The following SLC38A7 variants were observed in gnomAD, a reference collection of about 807,000 sequenced individuals.
The protein encoded by SLC38A7 is sodium-coupled neutral amino acid transporter 7.
A neutral mutation model predicts 50.1 loss-of-function variants in SLC38A7; 29 were observed. The observed-to-expected ratio is 0.58, with a 90% CI of 0.43 to 0.79. The LOEUF (loss-of-function observed/expected upper bound fraction) is 0.79, where lower values mean the gene tolerates loss of function less well. Ranked by LOEUF, SLC38A7 falls within the 30% of genes least tolerant of loss-of-function variation. The probability of loss-of-function intolerance (pLI) is 0.00; values close to 1 mark genes in which losing one functional copy is unlikely to be tolerated. For synonymous variants in SLC38A7, 244 were observed against 245.9 expected (o/e 0.99, Z 0.07); for missense variants, 483 against 610.6 (o/e 0.79, Z 2.20).
At position 58,675,922 on chromosome 16, in the gene SLC38A7, G is replaced by C. The variant is rs769644624; in HGVS notation, c.883+18C>G. 24 of 926,820 alleles carry C rather than the reference G, an allele frequency of 2.6e-5. No individual in the cohort carries two copies. The highest frequency in any genetic ancestry group is 2.2e-4 in the South Asian group (11 of 50,692). 57.4% of individuals were successfully genotyped at this position (926,820 alleles called of 1,614,324 possible). ...GAGAGCACTCTAGTCCCAGGTCTTG[G>C]GGGGGGGGAGCACTCACCTGTCCCC... On this transcript the variant is annotated intron_variant, in intron 8 of 11. Coordinates refer to ENST00000219320, the MANE Select transcript of SLC38A7 (RefSeq NM_018231.3).
At chr16:58,680,284 G>A (rs2044362627) in intron 2 of SLC38A7, 43 bp from the exon 3 acceptor site, 1 of 760,868 alleles carries the variant, frequency 1.3e-6, no homozygotes, top group Non-Finnish European at 1.9e-6. Flanking sequence ...CCTAAGATGG[G>A]GGAACTAGGG....
rs2044306945 is a variant in SLC38A7 at position 58,678,078 on chromosome 16, C to T, written c.611+255G>A. On this transcript the variant is annotated intron_variant, in intron 5 of 11. Coordinates refer to ENST00000219320, the MANE Select transcript of SLC38A7 (RefSeq NM_018231.3). The surrounding 1 kb of genome is among the most constrained non-coding windows in gnomAD (Gnocchi z 4.0). ...CCACCTGTTCCTTCTTTGACAAGGGCACTTAGAACTGAACTACTCATGGAT... is the reference window on the plus strand; with the variant it reads ...CCACCTGTTCCTTCTTTGACAAGGGTACTTAGAACTGAACTACTCATGGAT... Among the ~76,000 whole-genome samples the T allele has an allele frequency of 6.6e-6, 1 of 152,168 alleles. No homozygotes were observed. The highest frequency in any genetic ancestry group is 6.5e-5 in the Admixed American group (1 of 15,268).
intron 8 of SLC38A7, chr16:58,675,398 C>G: frequency 2.5e-6 from 1 of 399,126 alleles, no homozygotes. Flanking sequence ...GGCTGTAGTC[C>G]CAGCTACTCT....
chr16:58,681,712 T>C (rs11640977), intron 2 of SLC38A7: 22,977 of 152,138 alleles, frequency 0.15, 1,991 homozygotes, highest in African/African-American at 0.24. Context: ...TATGTTCCTG[T>C]GGGTCGTGTG....
At chr16:58,671,376 T>C (rs774825284) in intron 9 of SLC38A7, 132 bp from the exon 10 acceptor site, 16 of 843,426 alleles carry the variant, frequency 1.9e-5, no homozygotes, top group Admixed American at 5.2e-5. Flanking sequence ...TTTCCTCTTC[T>C]GTAAAATGGG....
intron 9 of SLC38A7, chr16:58,671,604 C>T (rs1309554963): frequency 6.3e-6 from 2 of 317,578 alleles, no homozygotes; most frequent in Non-Finnish European, 5.9e-6. Context: ...CTCTCTCACC[C>T]AGGCTGGAGT....
intron 5 of SLC38A7, among the ~76,000 whole-genome samples, chr16:58,677,809 T>C (rs2044301798): frequency 6.6e-6 from 1 of 151,232 alleles, no homozygotes; most frequent in African/African-American, 2.4e-5. Context: ...ATGCCAGAGG[T>C]AAGAGGGTTG....
At chr16:58,677,277 G>A (rs2152080123) in intron 6 of SLC38A7, 49 bp downstream of exon 6, 2 of 1,535,772 alleles carry the variant, frequency 1.3e-6, no homozygotes, top group Admixed American at 1.7e-5. Flanking sequence ...ACCTGCTGGG[G>A]CCCAAGTGGT....
rs773699776 is a variant in SLC38A7 at position 58,678,315 on chromosome 16, AG to A, written c.611+17del. 1 of 1,533,650 alleles carries A rather than the reference AG, an allele frequency of 6.5e-7. No homozygotes were observed. Among genetic ancestry groups the A allele is most frequent in the Non-Finnish European group, 8.8e-7 (1 of 1,139,004 alleles). ...CAGGATCATAGCTTCTGTCTGACCCAGGCTGGGGCCTCCAAACCTGGCATAT... is the reference window on the plus strand; with the variant it reads ...CAGGATCATAGCTTCTGTCTGACCCAGCTGGGGCCTCCAAACCTGGCATAT... On this transcript the variant is annotated intron_variant, in intron 5 of 11. Transcript: ENST00000219320. This position sits in a 1 kb window ranked among gnomAD's most constrained non-coding sequence, Gnocchi z 4.0.
intron 2 of SLC38A7, among the ~76,000 whole-genome samples, chr16:58,683,201 A>T (rs572155251): frequency 6.6e-6 from 1 of 152,292 alleles, no homozygotes; most frequent in Admixed American, 6.5e-5. Context: ...TATAGCCCAG[A>T]GGGAAAAAAA....
chr16:58,683,574 G>A (rs7193580), intron 2 of SLC38A7: 9,887 of 152,364 alleles, frequency 0.065, 1,017 homozygotes, highest in African/African-American at 0.22. Context: ...AGTGAGCAGC[G>A]AAGGCAGAGT....
At position 58,675,938 on chromosome 16, in the gene SLC38A7, A is replaced by C; in HGVS notation, c.883+2T>G. 6.2e-7 allele frequency: 1 copy of C among 1,605,526 alleles called. No homozygotes were observed. Among genetic ancestry groups the C allele is most frequent in the African/African-American group, 1.3e-5 (1 of 74,620 alleles). On this transcript the variant is annotated splice_donor_variant, in intron 8 of 11. Coordinates refer to ENST00000219320, the MANE Select transcript of SLC38A7 (RefSeq NM_018231.3). LOFTEE classifies it high-confidence loss of function. ...CAGGTCTTGGGGGGGGGGAGCACTCACCTGTCCCCATGTAGACAGCGAGGG... is the reference window on the plus strand; with the variant it reads ...CAGGTCTTGGGGGGGGGGAGCACTCCCCTGTCCCCATGTAGACAGCGAGGG...
intron 2 of SLC38A7, among the ~76,000 whole-genome samples, 177 bp from the exon 3 acceptor site, chr16:58,680,418 G>A (rs1276817952): frequency 6.6e-6 from 1 of 152,232 alleles, no homozygotes; most frequent in South Asian, 2.1e-4. Context: ...CAGATCAGGT[G>A]CAAATCATGC....
rs183204330 is a variant in SLC38A7 at position 58,674,579 on chromosome 16, C to T, written c.883+1361G>A. Reference sequence around the variant, plus strand: ...TGTGAGCCACTGTGACTGGCCTCATCGCTTTCTAATTTTTTTTTAACTGTA... The same window carrying T: ...TGTGAGCCACTGTGACTGGCCTCATTGCTTTCTAATTTTTTTTTAACTGTA... On this transcript the variant is annotated intron_variant, in intron 8 of 11. Transcript: ENST00000219320. Among the ~76,000 whole-genome samples the T allele has an allele frequency of 4.6e-5, 7 of 152,138 alleles. No homozygotes were observed. In the East Asian group the frequency reaches 1.4e-3, roughly 29 times the overall value.
chr16:58,666,752 G>A lies in SLC38A7; in HGVS notation c.*633C>T, dbSNP rs1048090338. 6.5e-6 allele frequency: 1 copy of A among 153,188 alleles called. No homozygotes were observed. The highest frequency in any genetic ancestry group is 2.4e-5 in the African/African-American group (1 of 41,474). 9.5% of individuals were successfully genotyped at this position (153,188 alleles called of 1,614,324 possible). ...GGATGGAGGAGGAGAGGGATGCCCA[G>A]CCTGGACCATCAGGTTTGATGAAAG... is the stretch of plus-strand genomic sequence containing the variant. On this transcript the variant is annotated 3_prime_UTR_variant, in exon 12 of 12. Coordinates refer to ENST00000219320, the MANE Select transcript of SLC38A7 (RefSeq NM_018231.3).
chr16:58,672,308 T>A, intron 8 of SLC38A7, 65 bp from the exon 9 acceptor site: 1 of 1,481,486 alleles, frequency 6.7e-7, no homozygotes, highest in Non-Finnish European at 9.1e-7. Flanking sequence ...TGTCCACTCC[T>A]CCTAGGAGCA....
intron 8 of SLC38A7, among the ~76,000 whole-genome samples, chr16:58,673,384 C>T (rs1370961716): frequency 2.0e-5 from 3 of 150,920 alleles, no homozygotes; most frequent in East Asian, 2.0e-4. Context: ...TACAGGCGCC[C>T]GCCACCAAGC....
intron 6 of SLC38A7, among the ~76,000 whole-genome samples, 198 bp downstream of exon 6, chr16:58,677,128 T>C (rs2044284834): frequency 6.6e-6 from 1 of 152,184 alleles, no homozygotes; most frequent in African/African-American, 2.4e-5. Context: ...AAGTGCCTCC[T>C]GTCTCTGATT....
In SLC38A7 at chr16:58,677,317, C is replaced by T; in HGVS notation, c.710+9G>A. Reference sequence around the variant, plus strand: ...TCTTCCCCATGTCTCCTAGGGCCCTCACCCTCACCTGGTCAGGATGTTCCC... The same window carrying T: ...TCTTCCCCATGTCTCCTAGGGCCCTTACCCTCACCTGGTCAGGATGTTCCC... On this transcript the variant is annotated intron_variant, in intron 6 of 11. Transcript: ENST00000219320. 1 of 1,613,044 alleles carries T rather than the reference C, an allele frequency of 6.2e-7. No homozygotes were observed. The highest frequency in any genetic ancestry group is 1.7e-5 in the Admixed American group (1 of 60,004).
Sources: allele counts gnomAD v4.1 joint callset (sites outside exome capture counted in the v4.1 genomes callset), GRCh38; gene constraint gnomAD v4.1.1; non-coding constraint Gnocchi (gnomAD v3.1); transcripts MANE v1.5; gene names NCBI Gene and HGNC (gene_info 2026-07-23, HGNC 2026-07-21).